MAP3K2: variants seen among roughly 807,000 people sequenced by gnomAD.
The protein encoded by MAP3K2 is mitogen-activated protein kinase kinase kinase 2, also known as MAP/ERK kinase kinase 2.
A neutral mutation model predicts 80.3 loss-of-function variants in MAP3K2; 24 were observed. That is an observed-to-expected ratio of 0.30 (90% CI 0.22 to 0.42). The LOEUF is 0.42. Among genes scored for constraint, MAP3K2 ranks in the 10% least tolerant of loss-of-function variants. MAP3K2 has a pLI of 1.00. For synonymous variants in MAP3K2, 244 were observed against 253.7 expected (o/e 0.96, Z 0.36); for missense variants, 608 against 750.1 (o/e 0.81, Z 2.21).
At chr2:127,373,336 A>C (rs1225732458) in intron 1 of MAP3K2, among the ~76,000 whole-genome samples, 2 of 152,234 alleles carry the variant, frequency 1.3e-5, no homozygotes, top group Non-Finnish European at 2.9e-5. Flanking sequence ...AAAAGTACAG[A>C]TGTCTTCTCC....
At chr2:127,374,144 A>G (rs1055284815) in intron 1 of MAP3K2, among the ~76,000 whole-genome samples, 14 of 152,246 alleles carry the variant, frequency 9.2e-5, no homozygotes, top group Non-Finnish European at 1.5e-4. Context: ...CTGAGATTGG[A>G]GCCTTAATAT....
At chr2:127,314,201 T>G (rs1455082994) in intron 15 of MAP3K2, among the ~76,000 whole-genome samples, 4 of 152,230 alleles carry the variant, frequency 2.6e-5, no homozygotes, top group African/African-American at 9.6e-5. Context: ...TAGTTGGGGT[T>G]CATCAAAGCT....
Position 127,318,162 on chromosome 2 carries a change from T to A in MAP3K2, c.1194+7A>T. 6.3e-7 allele frequency: 1 copy of A among 1,578,860 alleles called. No individual in the cohort carries two copies. The highest frequency in any genetic ancestry group is 8.6e-7 in the Non-Finnish European group (1 of 1,166,550). On this transcript the variant is annotated splice_region_variant and intron_variant, in intron 13 of 16. Transcript: ENST00000682094. ...TGTGACAAAGTAATTTGTGCAGTGA[T>A]TTTTACCTTGCTGGTCTCAGGACTA...
rs1333950885 is a variant in MAP3K2 at position 127,324,009 on chromosome 2, A to C, written c.746-15T>G. 2 of 1,256,664 alleles carry C rather than the reference A, an allele frequency of 1.6e-6. No individual in the cohort carries two copies. The highest frequency in any genetic ancestry group is 2.2e-6 in the Non-Finnish European group (2 of 895,964). 77.8% of individuals were successfully genotyped at this position (1,256,664 alleles called of 1,614,324 possible). A position where few individuals can be genotyped will look rare whatever the true frequency, so the allele number is the denominator to read the frequency against. On this transcript the variant is annotated splice_polypyrimidine_tract_variant and intron_variant, in intron 10 of 16. Transcript: ENST00000682094. ...GTTATCATAGTCTGTTAAGACATAT[A>C]AGATGGTTATCTTTTATTTAAAAAA...
chr2:127,336,703 A>AG (rs1686379417), intron 4 of MAP3K2, among the ~76,000 whole-genome samples: 1 of 152,268 alleles, frequency 6.6e-6, no homozygotes, highest in African/African-American at 2.4e-5. Flanking sequence ...TAGATTGGAT[A>AG]GTTCCATGGT....
intron 1 of MAP3K2, among the ~76,000 whole-genome samples, chr2:127,358,675 G>C (rs967750250): frequency 6.6e-6 from 1 of 152,184 alleles, no homozygotes; most frequent in African/African-American, 2.4e-5. Flanking sequence ...ACTGACACCT[G>C]TAATCTCAGC....
At chr2:127,345,420 AAT>A (rs1173763729) in intron 1 of MAP3K2, among the ~76,000 whole-genome samples, 1 of 152,246 alleles carries the variant, frequency 6.6e-6, no homozygotes, top group African/African-American at 2.4e-5. Flanking sequence ...ACAATTCAAA[AAT>A]AAAAGTTGGA....
chr2:127,325,547 T>C (rs1417062306), intron 9 of MAP3K2, among the ~76,000 whole-genome samples, 181 bp downstream of exon 9: 3 of 151,990 alleles, frequency 2.0e-5, no homozygotes, highest in Non-Finnish European at 1.5e-5. Context: ...CCAGATGTGG[T>C]ATTAATAGCA....
At chr2:127,337,815 G>A (rs1558980920) in intron 3 of MAP3K2, 37 bp from the exon 4 acceptor site, 1 of 1,253,360 alleles carries the variant, frequency 8.0e-7, no homozygotes, top group Admixed American at 2.7e-5. Flanking sequence ...TCAGAGATTA[G>A]ACAGATCATT....
At chr2:127,369,492 AAAAC>A (rs1687026395) in intron 1 of MAP3K2, among the ~76,000 whole-genome samples, 1 of 149,572 alleles carries the variant, frequency 6.7e-6, no homozygotes, top group African/African-American at 2.4e-5. Context: ...AAAAAAAAAA[AAAAC>A]AGCAAATAAA....
chr2:127,349,760 A>G (rs1357814861), intron 1 of MAP3K2, among the ~76,000 whole-genome samples: 1 of 152,210 alleles, frequency 6.6e-6, no homozygotes, highest in Non-Finnish European at 1.5e-5. Context: ...GCTGGAATAC[A>G]AAATTCTCCT....
chr2:127,320,590 T>C (rs551635327), intron 12 of MAP3K2, among the ~76,000 whole-genome samples: 1 of 152,226 alleles, frequency 6.6e-6, no homozygotes, highest in Admixed American at 6.5e-5. Context: ...TGAGAACTTT[T>C]CACAGACAAA....
intron 14 of MAP3K2, among the ~76,000 whole-genome samples, chr2:127,316,296 C>T (rs57011781): frequency 0.087 from 13,313 of 152,176 alleles, 775 homozygotes; most frequent in African/African-American, 0.17. Flanking sequence ...ATTGCTTGAA[C>T]CCAGGAGACG....
rs1210743042 is a variant in MAP3K2, at chr2:127,387,962, C to G, written c.-576G>C. 2.0e-6 allele frequency: 2 copies of G among 984,602 alleles called. No homozygotes were observed. The highest frequency in any genetic ancestry group is 6.2e-5 in the Admixed American group (1 of 16,222). 61.0% of individuals were successfully genotyped at this position (984,602 alleles called of 1,614,324 possible). A position where few individuals can be genotyped will look rare whatever the true frequency, so the allele number is the denominator to read the frequency against. On this transcript the variant is annotated 5_prime_UTR_variant, in exon 1 of 17. Transcript: ENST00000682094. ...GGCAGGCAGCCCGGCAGCCACTACA[C>G]ACGGACCCGTGACGTCGGGCGTAGC...
At chr2:127,320,261 A>G (rs1685990787) in intron 12 of MAP3K2, among the ~76,000 whole-genome samples, 1 of 152,248 alleles carries the variant, frequency 6.6e-6, no homozygotes, top group Non-Finnish European at 1.5e-5. Flanking sequence ...GACAACATGC[A>G]TGAACAGATG....
intron 12 of MAP3K2, among the ~76,000 whole-genome samples, chr2:127,319,203 T>G (rs1444852536): frequency 7.9e-5 from 11 of 138,964 alleles, no homozygotes; most frequent in Non-Finnish European, 1.5e-4. Flanking sequence ...GCATTACAGT[T>G]AAAGACCCAC....
intron 1 of MAP3K2, among the ~76,000 whole-genome samples, chr2:127,343,459 G>C (rs1346851224): frequency 1.3e-5 from 2 of 152,122 alleles, no homozygotes; most frequent in African/African-American, 4.8e-5. Context: ...TTATCAGTTG[G>C]AGGCAGGAAC....
chr2:127,315,007 G>C (rs1307444744), intron 14 of MAP3K2, 124 bp from the exon 15 acceptor site: 19 of 648,522 alleles, frequency 2.9e-5, no homozygotes, highest in Non-Finnish European at 2.6e-5. Flanking sequence ...TGTCCTACTT[G>C]AATTTTACTT....
chr2:127,380,786 A>T (rs527658750), intron 1 of MAP3K2, among the ~76,000 whole-genome samples: 15 of 152,338 alleles, frequency 9.8e-5, no homozygotes, highest in African/African-American at 3.4e-4. Flanking sequence ...CAAACTTAAC[A>T]TTTCTTGTTA....
Sources: gnomAD v4.1 joint callset for allele counts (sites outside exome capture counted in the v4.1 genomes callset) on GRCh38, gnomAD v4.1.1 for gene constraint, MANE v1.5 for transcripts, NCBI Gene and HGNC (gene_info 2026-07-23, HGNC 2026-07-21) for gene names.